The following RAB3GAP2 variants were observed in gnomAD, a reference collection of about 807,000 sequenced individuals.
RAB3GAP2 encodes the protein RAB3 GTPase activating non-catalytic protein subunit 2, also known as rab3 GTPase-activating protein non-catalytic subunit.
RAB3GAP2 carries 87 observed loss-of-function variants against 185.3 expected under a neutral mutation model. That is an observed-to-expected ratio of 0.47 (90% CI 0.39 to 0.56). The LOEUF (loss-of-function observed/expected upper bound fraction) is 0.56, where lower values mean the gene tolerates loss of function less well. RAB3GAP2 is among the 20% of genes least tolerant of loss of function. RAB3GAP2 has a pLI of 0.00. For synonymous variants in RAB3GAP2, 554 were observed against 576.1 expected (o/e 0.96, Z 0.55); for missense variants, 1,492 against 1,638.2 (o/e 0.91, Z 1.54).
intron 27 of RAB3GAP2, among the ~76,000 whole-genome samples, chr1:220,164,349 T>C (rs1315875227): frequency 6.6e-6 from 1 of 152,048 alleles, no homozygotes; most frequent in Non-Finnish European, 1.5e-5. Context: ...TCAGGGATAG[T>C]AGTCAGCTGC....
In RAB3GAP2 at chr1:220,167,780, T is replaced by C; in HGVS notation, c.2807-105A>G. 3 of 1,219,086 alleles carry C rather than the reference T, an allele frequency of 2.5e-6. No individual in the cohort carries two copies. In the South Asian group the frequency reaches 3.6e-5, roughly 15 times the overall value. 75.5% of individuals were successfully genotyped at this position (1,219,086 alleles called of 1,614,324 possible). ...CGAAGAGATCTAAGTGCCACATTCA[T>C]TTCTCAGCCTGAAGCTGACCCGAAA... On this transcript the variant is annotated intron_variant, in intron 24 of 34. Transcript: ENST00000358951.
intron 13 of RAB3GAP2, among the ~76,000 whole-genome samples, 189 bp downstream of exon 13, chr1:220,193,050 CA>C (rs1159546894): frequency 1.3e-5 from 2 of 152,076 alleles, no homozygotes; most frequent in African/African-American, 4.8e-5. Flanking sequence ...ATGAGGTGAT[CA>C]AACCTAAAAG....
chr1:220,210,240 A>C (rs1009681485), intron 7 of RAB3GAP2, 148 bp downstream of exon 7: 4 of 739,670 alleles, frequency 5.4e-6, no homozygotes, highest in Non-Finnish European at 7.4e-6. Flanking sequence ...TCAGCTACAA[A>C]TAGATTATAT....
chr1:220,179,938 C>T (rs1197731053), intron 21 of RAB3GAP2, among the ~76,000 whole-genome samples: 1 of 152,052 alleles, frequency 6.6e-6, no homozygotes, highest in African/African-American at 2.4e-5. Context: ...CCGAGACAGG[C>T]AGATCACGAG....
intron 33 of RAB3GAP2, among the ~76,000 whole-genome samples, chr1:220,152,463 C>A (rs917188538): frequency 5.3e-5 from 8 of 152,234 alleles, no homozygotes; most frequent in African/African-American, 1.9e-4. Flanking sequence ...CTCCCTGCCT[C>A]ATGCCATACT....
intron 21 of RAB3GAP2, among the ~76,000 whole-genome samples, chr1:220,179,244 C>CAAAAAA (rs71169437): frequency 2.1e-4 from 12 of 56,810 alleles, no homozygotes; most frequent in African/African-American, 4.5e-4. Flanking sequence ...GAGACTGTCT[C>CAAAAAA]AAAAAAAAAA....
intron 1 of RAB3GAP2, chr1:220,267,277 G>A (rs1660245044): frequency 1.1e-6 from 1 of 907,228 alleles, no homozygotes; most frequent in South Asian, 1.3e-5. Flanking sequence ...TGTTTCAAGT[G>A]GTGTATATTC....
intron 8 of RAB3GAP2, among the ~76,000 whole-genome samples, chr1:220,205,276 C>T (rs1658942180): frequency 6.6e-6 from 1 of 152,136 alleles, no homozygotes; most frequent in African/African-American, 2.4e-5. Flanking sequence ...GGGCAGTTTT[C>T]ATCCCTAAGT....
At chr1:220,257,096 A>G (rs897800386) in intron 1 of RAB3GAP2, among the ~76,000 whole-genome samples, 1 of 152,196 alleles carries the variant, frequency 6.6e-6, no homozygotes, top group Admixed American at 6.5e-5. Context: ...TTCACTCAAA[A>G]GGCTGGGCGT....
intron 2 of RAB3GAP2, among the ~76,000 whole-genome samples, chr1:220,221,786 A>G (rs1448052119): frequency 1.3e-5 from 2 of 152,248 alleles, no homozygotes; most frequent in African/African-American, 4.8e-5. Context: ...AGACAATAAA[A>G]TTGTAGTAAT....
intron 2 of RAB3GAP2, among the ~76,000 whole-genome samples, chr1:220,218,837 G>A (rs1659248979): frequency 6.6e-6 from 1 of 152,024 alleles, no homozygotes; most frequent in African/African-American, 2.4e-5. Context: ...CAACCACACG[G>A]GGGAGCAGCT....
At position 220,191,030 on chromosome 1, in the gene RAB3GAP2, A is replaced by G. The variant is rs761871392; in HGVS notation, c.1487+38T>C. Reference sequence around the variant, plus strand: ...TTTAATAAAAGCATTCCTATATTTCATTTTGTAACCAGCACAATGCCAGCA... The same window carrying G: ...TTTAATAAAAGCATTCCTATATTTCGTTTTGTAACCAGCACAATGCCAGCA... On this transcript the variant is annotated intron_variant, in intron 14 of 34. Coordinates refer to ENST00000358951, the MANE Select transcript of RAB3GAP2 (RefSeq NM_012414.4). 5 of 1,544,678 alleles carry G rather than the reference A, an allele frequency of 3.2e-6. No individual in the cohort carries two copies. The South Asian group carries it at 5.6e-5, about 17-fold the overall frequency.
intron 21 of RAB3GAP2, among the ~76,000 whole-genome samples, chr1:220,178,784 C>T (rs560246316): frequency 6.6e-6 from 1 of 152,064 alleles, no homozygotes; most frequent in South Asian, 2.1e-4. Flanking sequence ...GTAGTAGGAC[C>T]TTACCAATCA....
chr1:220,206,148 A>G, intron 7 of RAB3GAP2, 142 bp from the exon 8 acceptor site: 1 of 598,898 alleles, frequency 1.7e-6, no homozygotes, highest in Non-Finnish European at 2.9e-6. Flanking sequence ...AAAAATAGAT[A>G]AAAAATTAAT....
chr1:220,182,180 A>G, intron 21 of RAB3GAP2, 77 bp downstream of exon 21: 1 of 754,238 alleles, frequency 1.3e-6, no homozygotes, highest in Non-Finnish European at 1.9e-6. Flanking sequence ...GACAATAGTT[A>G]AAAAAAAAAA....
intron 1 of RAB3GAP2, among the ~76,000 whole-genome samples, chr1:220,250,604 T>C (rs982692190): frequency 1.3e-5 from 2 of 152,160 alleles, no homozygotes; most frequent in African/African-American, 4.8e-5. Context: ...ACAGGTAAAA[T>C]GATATGGTTT....
rs73098539 is a variant in RAB3GAP2, at chr1:220,151,708, C to G, written c.3924G>C (p.Thr1308=). The G allele has an allele frequency of 6.2e-4, 996 of 1,612,084 alleles. 7 individuals carry two copies. In the African/African-American group the frequency reaches 0.012, roughly 20 times the overall value. ...GAAGCGCATGAGCCAGCCTTTGCCCCGTGAGCACCAGCAGCTGAGAGGCAA... is the reference window on the plus strand; with the variant it reads ...GAAGCGCATGAGCCAGCCTTTGCCCGGTGAGCACCAGCAGCTGAGAGGCAA... The part of the protein sequence containing the change: ...EVLASQLLVL[T]GQRLAHALLH... Residue 1308 remains threonine (T), a synonymous_variant, in exon 34 of 35, where the codon ACG becomes ACC. Transcript: ENST00000358951.
intron 1 of RAB3GAP2, among the ~76,000 whole-genome samples, chr1:220,271,872 G>A (rs1660339249): frequency 6.9e-6 from 1 of 143,948 alleles, no homozygotes; most frequent in African/African-American, 2.6e-5. Context: ...AACGACCCCA[G>A]GCTGAAGATG....
At position 220,212,911 on chromosome 1, in the gene RAB3GAP2, C is replaced by T. The variant is rs771135171; in HGVS notation, c.362G>A (p.Ser121Asn). 1.2e-6 allele frequency: 2 copies of T among 1,613,730 alleles called. No individual in the cohort carries two copies. The highest frequency in any genetic ancestry group is 8.5e-7 in the Non-Finnish European group (1 of 1,179,710). Reference sequence around the variant, plus strand: ...CCCTTCTTCGACATTTAAGGAACCACTCCAGCCAACAGCAAATTGCATTTC... The same window carrying T: ...CCCTTCTTCGACATTTAAGGAACCATTCCAGCCAACAGCAAATTGCATTTC... ...KEEMQFAVGW[S>N]GSLNVEEGEC... The change falls in exon 4 of 35, where the codon AGT (serine) becomes AAT (asparagine). Residue 121 changes from serine (S) to asparagine (N), a missense_variant. Ser to Asn is a conservative substitution (Grantham distance 46). Around this residue, in one of 5 missense-constraint regions of RAB3GAP2, gnomAD observed 177 missense variants for 160.6 expected, o/e 1.10. Transcript: ENST00000358951.
Sources: gnomAD v4.1 joint callset for allele counts (sites outside exome capture counted in the v4.1 genomes callset) on GRCh38, gnomAD v4.1.1 for gene constraint, gnomAD v4.1.1 regional missense constraint, MANE v1.5 for transcripts, NCBI Gene and HGNC (gene_info 2026-07-23, HGNC 2026-07-21) for gene names.